The following ASTN2 variants were observed in gnomAD, a reference collection of about 807,000 sequenced individuals.
ASTN2 encodes astrotactin 2, also known as astrotactin-2.
Under a neutral mutation model 139.8 loss-of-function variants are expected in ASTN2, and 54 were observed. The observed-to-expected ratio is 0.39, with a 90% CI of 0.31 to 0.48. The LOEUF (loss-of-function observed/expected upper bound fraction) is 0.48, where lower values mean the gene tolerates loss of function less well. Among genes scored for constraint, ASTN2 ranks in the 20% least tolerant of loss-of-function variants. ASTN2 has a pLI of 0.95. For missense variants in ASTN2, 1,565 were observed against 1,725.1 expected (o/e 0.91, Z 1.64); for synonymous variants, 756 against 719.5 (o/e 1.05, Z -0.81).
intron 13 of ASTN2, among the ~76,000 whole-genome samples, chr9:116,751,752 A>G (rs1829408875): frequency 6.6e-6 from 1 of 152,160 alleles, no homozygotes; most frequent in South Asian, 2.1e-4. Flanking sequence ...AAAACAAAAC[A>G]TCATTTACAT....
intron 19 of ASTN2, among the ~76,000 whole-genome samples, chr9:116,515,462 C>G (rs1850604888): frequency 1.3e-5 from 2 of 152,106 alleles, no homozygotes; most frequent in Admixed American, 6.5e-5. Flanking sequence ...TGGCTAGAAG[C>G]CTTGCAAGCC....
chr9:117,016,656 AAC>A (rs1837708234), intron 6 of ASTN2, among the ~76,000 whole-genome samples: 1 of 26,810 alleles, frequency 3.7e-5, no homozygotes, highest in Non-Finnish European at 8.3e-5. Context: ...ATATATATAT[AAC>A]CTATATATAT....
chr9:117,305,876 C>G (rs1200103108), intron 1 of ASTN2, among the ~76,000 whole-genome samples: 1 of 152,186 alleles, frequency 6.6e-6, no homozygotes, highest in East Asian at 1.9e-4. Context: ...AGAACCAGCA[C>G]ATGTCTGTGC....
intron 10 of ASTN2, among the ~76,000 whole-genome samples, chr9:116,927,229 A>T (rs1834779931): frequency 6.6e-6 from 1 of 152,092 alleles, no homozygotes; most frequent in South Asian, 2.1e-4. Flanking sequence ...CACCTCCCTC[A>T]TCAGAACCTC....
chr9:117,310,964 T>G (rs919209677), intron 1 of ASTN2, among the ~76,000 whole-genome samples: 4 of 152,170 alleles, frequency 2.6e-5, no homozygotes, highest in African/African-American at 9.6e-5. Context: ...CCAATGAGAT[T>G]GAACCCCAGT....
At chr9:116,737,499 T>A (rs975255555) in intron 13 of ASTN2, among the ~76,000 whole-genome samples, 1 of 124,260 alleles carries the variant, frequency 8.0e-6, no homozygotes, top group Non-Finnish European at 1.7e-5. Context: ...GTGTGTGTAG[T>A]AAAAACTACC....
intron 3 of ASTN2, among the ~76,000 whole-genome samples, chr9:117,204,828 G>T (rs1476143999): frequency 6.6e-6 from 1 of 152,168 alleles, no homozygotes; most frequent in Non-Finnish European, 1.5e-5. Context: ...AATGAGTTAT[G>T]CTGCAAAAGC....
chr9:117,236,925 T>G (rs1020189195), intron 2 of ASTN2, among the ~76,000 whole-genome samples: 1 of 152,206 alleles, frequency 6.6e-6, no homozygotes, highest in Middle Eastern at 3.2e-3. Context: ...AAGGGAGTTA[T>G]CCCAGAAATG....
intron 19 of ASTN2, among the ~76,000 whole-genome samples, chr9:116,534,971 T>A (rs544167476): frequency 2.6e-4 from 39 of 152,334 alleles, no homozygotes; most frequent in African/African-American, 8.9e-4. Context: ...TGTTAAAGTC[T>A]CCCATTTTTA....
In ASTN2 at chr9:117,150,855, C is replaced by T. The variant is rs891649963; in HGVS notation, c.1016-9377G>A. Among the ~76,000 whole-genome samples the T allele has an allele frequency of 2.0e-5, 3 of 152,084 alleles. No homozygotes were observed. The East Asian group carries it at 5.8e-4, about 30-fold the overall frequency. On this transcript the variant is annotated intron_variant, in intron 3 of 22. Coordinates refer to ENST00000313400, the MANE Select transcript of ASTN2 (RefSeq NM_001365068.1). ...GGGACTATAGGTGCATATCACCACGCCTGGATAATTTTGTTTTTAAAATTA... is the reference window on the plus strand; with the variant it reads ...GGGACTATAGGTGCATATCACCACGTCTGGATAATTTTGTTTTTAAAATTA...
Position 117,383,957 on chromosome 9 carries a change from C to T in ASTN2, c.442+30540G>A, listed in dbSNP as rs558329933. On this transcript the variant is annotated intron_variant, in intron 1 of 22. Transcript: ENST00000313400. ...CTGCACTTCCATTAAATGATGAAAT[C>T]CACGAACAGGGGCTCACATGGCAGA... Among the ~76,000 whole-genome samples, 12 of 152,258 alleles carry T rather than the reference C, an allele frequency of 7.9e-5. No individual in the cohort carries two copies. In the South Asian group the frequency reaches 2.3e-3, roughly 29 times the overall value.
chr9:117,374,902 G>A (rs1485090103), intron 1 of ASTN2, among the ~76,000 whole-genome samples: 2 of 152,164 alleles, frequency 1.3e-5, no homozygotes, highest in Admixed American at 1.3e-4. Flanking sequence ...ACCCAGAATT[G>A]AAGACCCATC....
At chr9:116,970,357 GAAT>G (rs948306622) in intron 10 of ASTN2, among the ~76,000 whole-genome samples, 111 of 152,224 alleles carry the variant, frequency 7.3e-4, no homozygotes, top group African/African-American at 2.6e-3. Context: ...CTGGTCCAGG[GAAT>G]ACACTTTGAA....
At chr9:117,392,784 C>T (rs959900434) in intron 1 of ASTN2, among the ~76,000 whole-genome samples, 4 of 152,170 alleles carry the variant, frequency 2.6e-5, no homozygotes, top group Non-Finnish European at 5.9e-5. Context: ...AGGAAAAAGG[C>T]TTTAAGAAAG....
chr9:117,250,611 G>C (rs1461481011), intron 2 of ASTN2, among the ~76,000 whole-genome samples: 1 of 152,064 alleles, frequency 6.6e-6, no homozygotes, highest in Non-Finnish European at 1.5e-5. Flanking sequence ...CTATTAGGTT[G>C]GTACAAAAGT....
chr9:117,312,174 T>C (rs899810250), intron 1 of ASTN2, among the ~76,000 whole-genome samples: 1 of 152,238 alleles, frequency 6.6e-6, no homozygotes, highest in Non-Finnish European at 1.5e-5. Context: ...GACTTCTCTC[T>C]TGTTGCTAAT....
At chr9:116,541,040 T>C (rs1851857585) in intron 19 of ASTN2, among the ~76,000 whole-genome samples, 1 of 151,858 alleles carries the variant, frequency 6.6e-6, no homozygotes. Flanking sequence ...TACATGACAT[T>C]CTCCACTATA....
intron 19 of ASTN2, among the ~76,000 whole-genome samples, chr9:116,498,856 T>C (rs1207621223): frequency 2.6e-5 from 4 of 152,134 alleles, no homozygotes; most frequent in African/African-American, 7.2e-5. Flanking sequence ...CCTGGAAACA[T>C]AGCCATCTTA....
chr9:116,572,800 A>G (rs1449453356), intron 19 of ASTN2, among the ~76,000 whole-genome samples: 1 of 152,198 alleles, frequency 6.6e-6, no homozygotes, highest in Admixed American at 6.5e-5. Flanking sequence ...TGGAGACCCA[A>G]GGGTTCCAGT....
Sources: gnomAD v4.1 joint callset for allele counts (sites outside exome capture counted in the v4.1 genomes callset) on GRCh38, gnomAD v4.1.1 for gene constraint, MANE v1.5 for transcripts, NCBI Gene and HGNC (gene_info 2026-07-23, HGNC 2026-07-21) for gene names.